The following SHPRH variants were observed in gnomAD, a reference collection of about 807,000 sequenced individuals.
SHPRH encodes the protein SNF2 histone linker PHD RING helicase, also known as E3 ubiquitin-protein ligase SHPRH.
A neutral mutation model predicts 202.5 loss-of-function variants in SHPRH; 106 were observed. The ratio of observed to expected loss-of-function variants is 0.52; its 90% CI spans 0.45 to 0.62. The LOEUF (loss-of-function observed/expected upper bound fraction) is 0.62. Ranked by LOEUF, SHPRH falls within the 20% of genes least tolerant of loss-of-function variation. The probability of loss-of-function intolerance (pLI) is 0.00; values close to 1 mark genes in which losing one functional copy is unlikely to be tolerated. For synonymous variants in SHPRH, 729 were observed against 686.0 expected, an observed-to-expected ratio of 1.06 and a Z score of -0.98; for missense variants, 1,710 against 2,020.0, an observed-to-expected ratio of 0.85 and a Z score of 2.94.
intron 2 of SHPRH, chr6:145,877,856 T>C (rs1780374612): frequency 6.6e-6 from 1 of 152,220 alleles, no homozygotes; most frequent in African/African-American, 2.4e-5. Context: ...AATGTTTAAA[T>C]TTACCTATAG....
At chr6:145,881,892 C>A (rs117011070), downstream of SHPRH, among the ~76,000 whole-genome samples, 641 of 152,008 alleles carry the variant, frequency 4.2e-3, 18 homozygotes, top group East Asian at 0.072. Flanking sequence ...TCGCTTGAAC[C>A]CAGGAGTTCG....
intron 2 of SHPRH, among the ~76,000 whole-genome samples, chr6:145,877,231 G>A (rs192672555): frequency 6.6e-6 from 1 of 152,116 alleles, no homozygotes; most frequent in African/African-American, 2.4e-5. Flanking sequence ...TTTAAGACAC[G>A]GATAAATGGT....
Position 145,955,169 on chromosome 6 carries a change from C to G in SHPRH, c.154G>C (p.Ala52Pro). Residue 52 changes from alanine (A) to proline (P), a missense_variant, in exon 2 of 30, where the codon GCT becomes CCT. By Grantham distance (27) the Ala-to-Pro change is conservative. Coordinates refer to ENST00000275233, the MANE Select transcript of SHPRH (RefSeq NM_001042683.3). ...QPCPGSDTSS[A>P]HYIILSDSLK... ...CTATCACTTAGAATGATATAATGAG[C>G]AGAAGAGGTATCTGAACCTGGGCAG... is the stretch of plus-strand genomic sequence containing the variant. The G allele has an allele frequency of 5.6e-6, 9 of 1,613,816 alleles. No homozygotes were observed. Among genetic ancestry groups the G allele is most frequent in the Non-Finnish European group, 7.6e-6 (9 of 1,179,958 alleles).
chr6:145,956,419 T>A (rs1467949559), intron 1 of SHPRH, among the ~76,000 whole-genome samples: 1 of 152,050 alleles, frequency 6.6e-6, no homozygotes, highest in East Asian at 1.9e-4. Flanking sequence ...TGGCCCTATT[T>A]CTCTGGTTTA....
intron 2 of SHPRH, chr6:145,871,400 C>A (rs1192739513): frequency 2.0e-5 from 3 of 152,078 alleles, no homozygotes; most frequent in Non-Finnish European, 4.4e-5. Flanking sequence ...TATACACCAA[C>A]AACAGGCAAG....
At chr6:145,939,166 A>G (rs1170342662) in intron 11 of SHPRH, among the ~76,000 whole-genome samples, 2 of 152,054 alleles carry the variant, frequency 1.3e-5, no homozygotes, top group Non-Finnish European at 2.9e-5. Context: ...TGACAACTAG[A>G]AAAAAAACAT....
intron 6 of SHPRH, 55 bp downstream of exon 6, chr6:145,947,438 T>C (rs1787506096): frequency 1.9e-6 from 3 of 1,570,478 alleles, no homozygotes; most frequent in Non-Finnish European, 2.6e-6. Flanking sequence ...CAACATACGA[T>C]GCTTTTCGAG....
chr6:145,911,296 C>A (rs116572107), intron 24 of SHPRH, among the ~76,000 whole-genome samples: 1 of 152,116 alleles, frequency 6.6e-6, no homozygotes, highest in African/African-American at 2.4e-5. Flanking sequence ...GCTGCCACGA[C>A]CAGCTAATTT....
intron 26 of SHPRH, 99 bp downstream of exon 26, chr6:145,894,786 A>T: frequency 1.0e-6 from 1 of 1,003,564 alleles, no homozygotes; most frequent in East Asian, 2.6e-5. Flanking sequence ...GGGAAAAAAA[A>T]TCTAAGAGTA....
intron 4 of SHPRH, 51 bp downstream of exon 4, chr6:145,950,213 T>G (rs1327455631): frequency 3.3e-6 from 5 of 1,514,054 alleles, no homozygotes; most frequent in Non-Finnish European, 4.6e-6. Flanking sequence ...TAATTGTCTC[T>G]GATGTAATCT....
chr6:145,935,451 A>C lies in SHPRH; in HGVS notation c.2570-10T>G. On this transcript the variant is annotated splice_polypyrimidine_tract_variant and intron_variant, in intron 11 of 29. Transcript: ENST00000275233. Reference sequence around the variant, plus strand: ...ACTAACCCAAAAAGATCTGAAAAGAAAAAATAAAATACATTGAGGATAACT... The same window carrying C: ...ACTAACCCAAAAAGATCTGAAAAGACAAAATAAAATACATTGAGGATAACT... 4 of 1,612,976 alleles carry C rather than the reference A, an allele frequency of 2.5e-6. No individual in the cohort carries two copies.
At chr6:145,917,279 T>TGTTGGG (rs1460603416) in intron 23 of SHPRH, 1 of 152,164 alleles carries the variant, frequency 6.6e-6, no homozygotes, top group Non-Finnish European at 1.5e-5. Flanking sequence ...TATAAAGTAG[T>TGTTGGG]GTTGACATCA....
intron 16 of SHPRH, among the ~76,000 whole-genome samples, chr6:145,925,728 T>G (rs1784816861): frequency 6.6e-6 from 1 of 152,088 alleles, no homozygotes; most frequent in African/African-American, 2.4e-5. Context: ...ATAATATCAC[T>G]CTTTTCGATG....
chr6:145,957,176 G>A (rs1325293488), intron 1 of SHPRH, among the ~76,000 whole-genome samples: 1 of 151,924 alleles, frequency 6.6e-6, no homozygotes, highest in African/African-American at 2.4e-5. Context: ...ATGAAATGAA[G>A]CTTTACCTCC....
In SHPRH at chr6:145,955,079, G is replaced by T. The variant is rs1489026584; in HGVS notation, c.244C>A (p.Pro82Thr). ...RCSKVVSFSK[P>T]IEKEETVGIF... The stretch of plus-strand genomic sequence containing the variant: ...CCAACAGTCTCTTCTTTTTCAATTG[G>T]TTTTGAGAAGCTCACCACTTTTGAA... The change falls in exon 2 of 30, where the codon CCA becomes ACA. Residue 82 changes from proline (P) to threonine (T), a missense_variant. Physicochemically the swap from Pro to Thr is conservative, Grantham distance 38. This residue lies in a region of SHPRH where 459 missense variants were observed against 426.5 expected (regional missense o/e 1.08). Coordinates refer to ENST00000275233, the MANE Select transcript of SHPRH (RefSeq NM_001042683.3). The T allele has an allele frequency of 1.2e-6, 2 of 1,613,214 alleles. No individual in the cohort carries two copies. Among genetic ancestry groups the T allele is most frequent in the Non-Finnish European group, 1.7e-6 (2 of 1,179,924 alleles).
chr6:145,926,440 T>C, intron 15 of SHPRH, 144 bp from the exon 16 acceptor site: 1 of 733,808 alleles, frequency 1.4e-6, no homozygotes. Flanking sequence ...ATCTGAGTAC[T>C]ACTACTTTGT....
At chr6:145,876,441 C>T (rs191044764) in intron 2 of SHPRH, among the ~76,000 whole-genome samples, 49 of 152,246 alleles carry the variant, frequency 3.2e-4, no homozygotes, top group Non-Finnish European at 2.8e-4. Flanking sequence ...TATTTTGGGA[C>T]TGCTTTTTTT....
chr6:145,952,309 C>T, intron 3 of SHPRH, 40 bp downstream of exon 3: 1 of 1,545,080 alleles, frequency 6.5e-7, no homozygotes, highest in Non-Finnish European at 8.8e-7. Context: ...ACTCACAACT[C>T]CTAAGTAATA....
Position 145,943,494 on chromosome 6 carries a change from T to C in SHPRH, c.1887A>G (p.Thr629=), listed in dbSNP as rs201828002. ...CISEFNQEHE[T]EDCAESLNHA... ...GATTTAGAGATTCAGCACAGTCCTCTGTTTCATGTTCTTGGTTGAATTCAG... is the reference window on the plus strand; with the variant it reads ...GATTTAGAGATTCAGCACAGTCCTCCGTTTCATGTTCTTGGTTGAATTCAG... Residue 629 remains threonine, a synonymous_variant, in exon 9 of 30, where the codon ACA becomes ACG. Coordinates refer to ENST00000275233, the MANE Select transcript of SHPRH (RefSeq NM_001042683.3). The C allele has an allele frequency of 1.2e-6, 2 of 1,614,086 alleles. No individual in the cohort carries two copies. The highest frequency in any genetic ancestry group is 1.7e-6 in the Non-Finnish European group (2 of 1,179,954).
Sources: allele counts gnomAD v4.1 joint callset (sites outside exome capture counted in the v4.1 genomes callset), GRCh38; gene constraint gnomAD v4.1.1; regional missense constraint gnomAD v4.1.1; transcripts MANE v1.5; gene names NCBI Gene and HGNC (gene_info 2026-07-23, HGNC 2026-07-21).